The following SKIL variants were observed in gnomAD, a reference collection of about 807,000 sequenced individuals.
SKIL encodes SKI like proto-oncogene.
SKIL carries 20 observed loss-of-function variants against 69.6 expected under a neutral mutation model. The ratio of observed to expected loss-of-function variants is 0.29; its 90% CI spans 0.20 to 0.42. SKIL has a LOEUF of 0.42. Among genes scored for constraint, SKIL ranks in the 10% least tolerant of loss-of-function variants. SKIL has a pLI of 1.00. For missense variants in SKIL, 745 were observed against 783.1 expected (o/e 0.95, Z 0.58); for synonymous variants, 310 against 279.9 (o/e 1.11, Z -1.08).
intron 2 of SKIL, among the ~76,000 whole-genome samples, chr3:170,374,461 A>G (rs1020929332): frequency 2.0e-5 from 3 of 152,224 alleles, no homozygotes; most frequent in African/African-American, 7.2e-5. Context: ...ATTGTATTTT[A>G]AAATTTAAAT....
intron 2 of SKIL, among the ~76,000 whole-genome samples, chr3:170,369,158 G>A (rs906485039): frequency 1.4e-5 from 2 of 145,788 alleles, no homozygotes; most frequent in Non-Finnish European, 3.0e-5. Context: ...TTAGGAAATA[G>A]AGCCTCTTTA....
intron 2 of SKIL, among the ~76,000 whole-genome samples, chr3:170,373,596 G>A (rs1446461173): frequency 6.6e-6 from 1 of 152,118 alleles, no homozygotes; most frequent in African/African-American, 2.4e-5. Context: ...TTGTCATTAG[G>A]ACTTAATTAA....
chr3:170,373,234 T>C (rs1009955808), intron 2 of SKIL, among the ~76,000 whole-genome samples: 2 of 151,586 alleles, frequency 1.3e-5, no homozygotes, highest in Non-Finnish European at 2.9e-5. Context: ...TGGTGTGATC[T>C]CGGCTCACTA....
rs192127981 is a variant in SKIL, at chr3:170,383,912, G to T, written c.1197-621G>T. Among the ~76,000 whole-genome samples, 281 of 151,968 alleles carry T rather than the reference G, an allele frequency of 1.8e-3. 1 individual carries two copies. The highest frequency in any genetic ancestry group is 6.5e-3 in the African/African-American group (269 of 41,468). On this transcript the variant is annotated intron_variant, in intron 3 of 6. Transcript: ENST00000259119. ...TCTTTTTCTGGAGTAAAACTTACCT[G>T]CTCAGAGTTGTTACACAGCTGTATA...
intron 2 of SKIL, among the ~76,000 whole-genome samples, chr3:170,368,136 T>A (rs1051469485): frequency 5.3e-5 from 8 of 152,214 alleles, no homozygotes; most frequent in Non-Finnish European, 1.2e-4. Flanking sequence ...TGGGACAGAA[T>A]GTGATCTAGT....
rs202071902 is a variant in SKIL at position 170,361,027 on chromosome 3, T to G, written c.696T>G (p.Ala232=). 1.2e-6 allele frequency: 2 copies of G among 1,614,148 alleles called. No homozygotes were observed. The highest frequency in any genetic ancestry group is 3.3e-5 in the Admixed American group (2 of 60,012). ...CTGATGCACAAAGATTATGTAATGC[T>G]TTATTGCGGCCACGAACTTTTCCTC... ...TLTDAQRLCN[A]LLRPRTFPQN... Residue 232 remains alanine, a synonymous_variant, in exon 2 of 7, where the codon GCT becomes GCG. Transcript: ENST00000259119.
chr3:170,358,436 T>C (rs1736050378), intron 1 of SKIL: 2 of 152,438 alleles, frequency 1.3e-5, no homozygotes, highest in Non-Finnish European at 2.9e-5. Flanking sequence ...AGGCTTCCCG[T>C]GTCCCTTGTT....
intron 2 of SKIL, among the ~76,000 whole-genome samples, chr3:170,368,122 G>A (rs1295206827): frequency 6.6e-5 from 10 of 152,320 alleles, no homozygotes; most frequent in Admixed American, 2.0e-4. Context: ...ACAAAGAGTT[G>A]TGTTGGGACA....
intron 2 of SKIL, among the ~76,000 whole-genome samples, chr3:170,368,308 A>T (rs1001783456): frequency 6.6e-6 from 1 of 152,222 alleles, no homozygotes; most frequent in Admixed American, 6.5e-5. Flanking sequence ...AACTTTCTAA[A>T]ATTAGTAACT....
Position 170,360,205 on chromosome 3 carries a change from T to C in SKIL, c.-127T>C, listed in dbSNP as rs1736153068. ...CAAAATTTATTAATTTAAGGGGCTC[T>C]CGCTTTGAAAGTTTGAGAGTAAGTT... On this transcript the variant is annotated 5_prime_UTR_variant, in exon 2 of 7. Transcript: ENST00000259119. The C allele has an allele frequency of 2.2e-6, 2 of 929,826 alleles. No homozygotes were observed. Among genetic ancestry groups the C allele is most frequent in the Non-Finnish European group, 3.2e-6 (2 of 627,716 alleles). 57.6% of individuals were successfully genotyped at this position (929,826 alleles called of 1,614,324 possible). A position where few individuals can be genotyped will look rare whatever the true frequency, so the allele number is the denominator to read the frequency against.
chr3:170,366,595 C>T (rs1255316391), intron 2 of SKIL, among the ~76,000 whole-genome samples: 1 of 151,982 alleles, frequency 6.6e-6, no homozygotes, highest in Admixed American at 6.6e-5. Flanking sequence ...CAGGCTTGAA[C>T]CCAGGAGGTG....
At chr3:170,388,125 C>T (rs188327134) in intron 4 of SKIL, among the ~76,000 whole-genome samples, 1 of 152,032 alleles carries the variant, frequency 6.6e-6, no homozygotes, top group Admixed American at 6.6e-5. Context: ...ATTTTACATT[C>T]CTGTGGTAGC....
At chr3:170,377,516 T>TATTTCAA (rs1289474408) in intron 2 of SKIL, among the ~76,000 whole-genome samples, 1 of 150,590 alleles carries the variant, frequency 6.6e-6, no homozygotes, top group South Asian at 2.1e-4. Context: ...GTCTTATTAG[T>TATTTCAA]ATTTCAAATT....
At chr3:170,364,847 T>A (rs557932466) in intron 2 of SKIL, among the ~76,000 whole-genome samples, 3 of 152,352 alleles carry the variant, frequency 2.0e-5, no homozygotes, top group African/African-American at 7.2e-5. Flanking sequence ...CAGAATTCAC[T>A]GATTTGAATA....
chr3:170,381,223 C>T (rs1311178430), intron 2 of SKIL, 21 bp from the exon 3 acceptor site: 1 of 1,305,134 alleles, frequency 7.7e-7, no homozygotes, highest in Middle Eastern at 1.8e-4. Context: ...ATAAATGTTT[C>T]CCTTCCATGT....
At chr3:170,386,568 C>T (rs894005277) in intron 4 of SKIL, among the ~76,000 whole-genome samples, 3 of 152,136 alleles carry the variant, frequency 2.0e-5, no homozygotes, top group East Asian at 1.9e-4. Context: ...TTGCTGGGCT[C>T]ATAGTCCTTG....
intron 2 of SKIL, among the ~76,000 whole-genome samples, chr3:170,365,252 T>G (rs1468571700): frequency 6.6e-6 from 1 of 152,210 alleles, no homozygotes; most frequent in African/African-American, 2.4e-5. Flanking sequence ...ACTCGAAGTT[T>G]AGTAATTTTT....
intron 4 of SKIL, among the ~76,000 whole-genome samples, chr3:170,389,511 TCAC>T (rs1737805680): frequency 6.6e-6 from 1 of 151,724 alleles, no homozygotes; most frequent in Admixed American, 6.6e-5. Context: ...AGACAGGGTT[TCAC>T]CATGTTAGCC....
chr3:170,381,181 C>A, intron 2 of SKIL, 63 bp from the exon 3 acceptor site: 1 of 886,250 alleles, frequency 1.1e-6, no homozygotes, highest in Non-Finnish European at 1.9e-6. Context: ...GTCAGGTTGA[C>A]ACATAAAATT....
Sources: allele counts gnomAD v4.1 joint callset (sites outside exome capture counted in the v4.1 genomes callset), GRCh38; gene constraint gnomAD v4.1.1; transcripts MANE v1.5; gene names NCBI Gene and HGNC (gene_info 2026-07-23, HGNC 2026-07-21).